The following RASGRP3 variants were observed in gnomAD, a reference collection of about 807,000 sequenced individuals.
RASGRP3 encodes RAS guanyl releasing protein 3.
Under a neutral mutation model 82.7 loss-of-function variants are expected in RASGRP3, and 54 were observed. The observed-to-expected ratio is 0.65, with a 90% CI of 0.52 to 0.82. The LOEUF (loss-of-function observed/expected upper bound fraction) is 0.82. Among genes scored for constraint, RASGRP3 ranks in the 40% least tolerant of loss-of-function variants. The pLI, the probability that RASGRP3 is intolerant of heterozygous loss-of-function variation, is 0.00. For missense variants in RASGRP3, 861 were observed against 828.9 expected, an observed-to-expected ratio of 1.04 and a Z score of -0.48; for synonymous variants, 309 against 300.5, an observed-to-expected ratio of 1.03 and a Z score of -0.29.
chr2:33,524,409 G>A, intron 8 of RASGRP3, 23 bp from the exon 9 acceptor site: 2 of 1,408,138 alleles, frequency 1.4e-6, no homozygotes, highest in Non-Finnish European at 2.0e-6. Context: ...TCCTTAAAAA[G>A]CATTGATGCA....
intron 2 of RASGRP3, among the ~76,000 whole-genome samples, chr2:33,457,752 G>C (rs1488297920): frequency 1.3e-5 from 2 of 151,886 alleles, no homozygotes; most frequent in Non-Finnish European, 2.9e-5. Context: ...GTGACTGATT[G>C]GGGAACGAGA....
intron 1 of RASGRP3, among the ~76,000 whole-genome samples, chr2:33,438,963 A>C (rs1440717746): frequency 1.3e-5 from 2 of 151,950 alleles, no homozygotes; most frequent in East Asian, 1.9e-4. Flanking sequence ...TGGGAGAAGC[A>C]TGCCAAGGTC....
chr2:33,505,137 A>G (rs1398459000), intron 1 of RASGRP3, among the ~76,000 whole-genome samples: 1 of 145,464 alleles, frequency 6.9e-6, no homozygotes, highest in African/African-American at 2.6e-5. Context: ...TATCATCACC[A>G]TCATCATCAT....
At chr2:33,521,432 T>C (rs937204105) in intron 6 of RASGRP3, among the ~76,000 whole-genome samples, 2 of 152,242 alleles carry the variant, frequency 1.3e-5, no homozygotes, top group African/African-American at 2.4e-5. Context: ...ACTTCTTCAA[T>C]AGTAATCAAT....
chr2:33,558,640 G>GT (rs753031569), intron 16 of RASGRP3, 32 bp from the exon 17 acceptor site: 1 of 1,537,656 alleles, frequency 6.5e-7, no homozygotes, highest in Non-Finnish European at 8.8e-7. Flanking sequence ...GCAGTCAGAT[G>GT]TCAAATAATC....
At chr2:33,537,320 A>ACCAC (rs1266542679) in intron 11 of RASGRP3, among the ~76,000 whole-genome samples, 856 of 33,150 alleles carry the variant, frequency 0.026, 51 homozygotes, top group Middle Eastern at 0.065. Flanking sequence ...ACACACACAC[A>ACCAC]CCGCCCCCCC....
chr2:33,518,262 G>A (rs112824872), intron 4 of RASGRP3, among the ~76,000 whole-genome samples: 3,871 of 152,282 alleles, frequency 0.025, 58 homozygotes, highest in Non-Finnish European at 0.043. Flanking sequence ...ACAGCATGTC[G>A]CTGTACTGAA....
chr2:33,480,458 C>G (rs1397443522), intron 1 of RASGRP3, among the ~76,000 whole-genome samples: 1 of 152,164 alleles, frequency 6.6e-6, no homozygotes, highest in Non-Finnish European at 1.5e-5. Context: ...CTGGGAATTG[C>G]CTCCAATCCT....
chr2:33,501,023 C>T (rs539666238), intron 1 of RASGRP3, among the ~76,000 whole-genome samples: 1 of 152,324 alleles, frequency 6.6e-6, no homozygotes, highest in Admixed American at 6.5e-5. Context: ...TCAAATTGGA[C>T]AGCAATTTTA....
chr2:33,521,657 A>C (rs1479571683), intron 6 of RASGRP3, among the ~76,000 whole-genome samples: 1 of 152,188 alleles, frequency 6.6e-6, no homozygotes, highest in Non-Finnish European at 1.5e-5. Flanking sequence ...TAAACTCCCA[A>C]ATTTATATAC....
At chr2:33,455,846 G>C (rs573230311) in intron 2 of RASGRP3, among the ~76,000 whole-genome samples, 2 of 152,274 alleles carry the variant, frequency 1.3e-5, no homozygotes, top group African/African-American at 2.4e-5. Flanking sequence ...CACCTCCTGG[G>C]GGGAGGAAGA....
At chr2:33,463,161 T>C in intron 2 of RASGRP3, among the ~76,000 whole-genome samples, 1 of 152,182 alleles carries the variant, frequency 6.6e-6, no homozygotes, top group Non-Finnish European at 1.5e-5. Context: ...GAAAGCTGTG[T>C]GTAAGTAATT....
At chr2:33,543,788 T>C (rs1317582562) in intron 13 of RASGRP3, among the ~76,000 whole-genome samples, 161 bp downstream of exon 13, 6 of 152,238 alleles carry the variant, frequency 3.9e-5, no homozygotes, top group Non-Finnish European at 5.9e-5. Context: ...TTGGTGTGTA[T>C]GAACATGACC....
chr2:33,548,379 AAAAAG>A (rs1472972296), intron 13 of RASGRP3, among the ~76,000 whole-genome samples: 4 of 144,902 alleles, frequency 2.8e-5, no homozygotes, highest in African/African-American at 8.5e-5. Flanking sequence ...AAAAAAAAAA[AAAAAG>A]AAGGTAGAAA....
rs564545649 is a variant in RASGRP3, at chr2:33,519,386, G to T, written c.174-566G>T. ...AATCCCAGCACTTTGGGAGGCCGAG[G>T]TGGGCGGATCACAAGGTCAGGAGAT... is the stretch of plus-strand genomic sequence containing the variant. On this transcript the variant is annotated intron_variant, in intron 4 of 17. Coordinates refer to ENST00000403687, the MANE Select transcript of RASGRP3 (RefSeq NM_001139488.2). Among the ~76,000 whole-genome samples the T allele has an allele frequency of 3.9e-5, 6 of 152,298 alleles. No individual in the cohort carries two copies. In the South Asian group the frequency reaches 1.0e-3, roughly 26 times the overall value.
chr2:33,485,839 T>C (rs2150948564), intron 1 of RASGRP3, among the ~76,000 whole-genome samples: 1 of 152,332 alleles, frequency 6.6e-6, no homozygotes, highest in African/African-American at 2.4e-5. Flanking sequence ...TGATGGTGGA[T>C]TTATTATGTA....
intron 2 of RASGRP3, 150 bp downstream of exon 2, chr2:33,511,992 T>C (rs971051834): frequency 2.3e-4 from 35 of 152,342 alleles, no homozygotes; most frequent in Admixed American, 2.1e-3. Context: ...TAATGTCCTG[T>C]TTTAAATAAT....
At chr2:33,453,204 A>G (rs770174090) in intron 2 of RASGRP3, among the ~76,000 whole-genome samples, 12 of 152,216 alleles carry the variant, frequency 7.9e-5, no homozygotes, top group Non-Finnish European at 1.6e-4. Flanking sequence ...AAAAGCAATG[A>G]GTGTATTATA....
At chr2:33,515,297 C>T (rs1671346066) in intron 3 of RASGRP3, 91 bp downstream of exon 3, 3 of 1,357,658 alleles carry the variant, frequency 2.2e-6, no homozygotes, top group Non-Finnish European at 1.1e-6. Flanking sequence ...GAACAGAGTT[C>T]AGTCTCTGTA....
Sources: gnomAD v4.1 joint callset for allele counts (sites outside exome capture counted in the v4.1 genomes callset) on GRCh38, gnomAD v4.1.1 for gene constraint, MANE v1.5 for transcripts, NCBI Gene and HGNC (gene_info 2026-07-23, HGNC 2026-07-21) for gene names.